The following AFAP1L2 variants were observed in gnomAD, a reference collection of about 807,000 sequenced individuals.
AFAP1L2 encodes actin filament associated protein 1 like 2, also known as actin filament-associated protein 1-like 2.
A neutral mutation model predicts 99.3 loss-of-function variants in AFAP1L2; 46 were observed. That is an observed-to-expected ratio of 0.46 (90% CI 0.37 to 0.59). The LOEUF (loss-of-function observed/expected upper bound fraction) is 0.59. Among genes scored for constraint, AFAP1L2 ranks in the 20% least tolerant of loss-of-function variants. The probability of loss-of-function intolerance (pLI) is 0.00; values close to 1 mark genes in which losing one functional copy is unlikely to be tolerated. For synonymous variants in AFAP1L2, 397 were observed against 419.1 expected, an observed-to-expected ratio of 0.95 and a Z score of 0.64; for missense variants, 959 against 1,034.9, an observed-to-expected ratio of 0.93 and a Z score of 1.01.
chr10:114,299,162 G>T, intron 16 of AFAP1L2, 98 bp downstream of exon 16: 1 of 1,460,608 alleles, frequency 6.8e-7, no homozygotes, highest in Non-Finnish European at 9.4e-7. Context: ...AGGGCCCACT[G>T]ATTGAGAAGG....
chr10:114,302,158 T>G (rs1226723325), intron 12 of AFAP1L2, 181 bp downstream of exon 12: 1 of 926,638 alleles, frequency 1.1e-6, no homozygotes, highest in African/African-American at 1.7e-5. Context: ...TGCTCTTAGC[T>G]CAGCTCCTGG....
intron 1 of AFAP1L2, among the ~76,000 whole-genome samples, chr10:114,385,163 G>T (rs1462951506): frequency 6.6e-6 from 1 of 152,148 alleles, no homozygotes; most frequent in African/African-American, 2.4e-5. Flanking sequence ...ATGAGGAACA[G>T]CATGAACAAA....
chr10:114,390,749 A>T (rs1590826947), intron 1 of AFAP1L2, among the ~76,000 whole-genome samples: 1 of 145,624 alleles, frequency 6.9e-6, no homozygotes, highest in Non-Finnish European at 1.5e-5. Context: ...AAAAAATCCT[A>T]CCTTCCAGAC....
At chr10:114,361,659 T>G (rs112573500) in intron 1 of AFAP1L2, among the ~76,000 whole-genome samples, 2,179 of 152,274 alleles carry the variant, frequency 0.014, 52 homozygotes, top group African/African-American at 0.05. Context: ...CATCCTATAG[T>G]GGAGCCCTGT....
In AFAP1L2 at chr10:114,302,498, A is replaced by G. The variant is rs768837157; in HGVS notation, c.1285-14T>C. The G allele has an allele frequency of 2.5e-5, 40 of 1,613,650 alleles. No individual in the cohort carries two copies. Among genetic ancestry groups the G allele is most frequent in the South Asian group, 5.5e-5 (5 of 91,074 alleles). Reference sequence around the variant, plus strand: ...GGAAGACTTGGCCTGGAACGAGGCCAAGAGAGACATAAGCAGGGCCAGGCA... The same window carrying G: ...GGAAGACTTGGCCTGGAACGAGGCCGAGAGAGACATAAGCAGGGCCAGGCA... On this transcript the variant is annotated splice_polypyrimidine_tract_variant and intron_variant, in intron 11 of 18. Coordinates refer to ENST00000304129, the MANE Select transcript of AFAP1L2 (RefSeq NM_001001936.3).
chr10:114,283,622 A>G, the AFAP1L2 span, among the ~76,000 whole-genome samples: 4 of 152,156 alleles, frequency 2.6e-5, no homozygotes, highest in African/African-American at 9.7e-5. Flanking sequence ...GGGGCATGTG[A>G]CTTCTATTCA....
At position 114,320,802 on chromosome 10, in the gene AFAP1L2, G is replaced by A. The variant is rs555517441; in HGVS notation, c.406+2369C>T. Among the ~76,000 whole-genome samples, 111 of 152,318 alleles carry A rather than the reference G, an allele frequency of 7.3e-4. 1 individual carries two copies. In the South Asian group the frequency reaches 0.015, roughly 20 times the overall value. ...CTGGCAGGCAGGCCCCTGCTGGCCC[G>A]GCCACACCTGGGAGCAGGGAAGTGC... On this transcript the variant is annotated intron_variant, in intron 5 of 18. Transcript: ENST00000304129.
chr10:114,338,061 A>G (rs1337420318), intron 2 of AFAP1L2, among the ~76,000 whole-genome samples: 1 of 152,210 alleles, frequency 6.6e-6, no homozygotes, highest in Non-Finnish European at 1.5e-5. Flanking sequence ...CTCTGATGAG[A>G]GGCTAAGGCA....
chr10:114,341,071 T>C (rs981127758), intron 1 of AFAP1L2, among the ~76,000 whole-genome samples: 3 of 152,218 alleles, frequency 2.0e-5, no homozygotes, highest in Admixed American at 2.0e-4. Flanking sequence ...TTGTGAAAAC[T>C]AAGAGAGCAC....
At chr10:114,310,945 G>A (rs1009171508) in intron 7 of AFAP1L2, among the ~76,000 whole-genome samples, 14 of 106,428 alleles carry the variant, frequency 1.3e-4, no homozygotes, top group African/African-American at 3.6e-4. Context: ...CTCCCGACTC[G>A]CCTGCCGCCA....
intron 1 of AFAP1L2, among the ~76,000 whole-genome samples, chr10:114,402,537 G>A (rs966085141): frequency 6.6e-6 from 1 of 152,134 alleles, no homozygotes; most frequent in African/African-American, 2.4e-5. Flanking sequence ...TCTGTGTCTG[G>A]TTTACTGCAA....
At chr10:114,367,040 G>A (rs1369554604) in intron 1 of AFAP1L2, among the ~76,000 whole-genome samples, 5 of 152,226 alleles carry the variant, frequency 3.3e-5, no homozygotes, top group East Asian at 1.9e-4. Flanking sequence ...TCATATTAAC[G>A]CAGTGTCAGG....
rs116593764 is a variant in AFAP1L2, at chr10:114,397,560, A to C, written c.16+6880T>G. 2.1e-3 allele frequency among the ~76,000 whole-genome samples: 313 copies of C among 152,308 alleles called. 1 individual carries two copies. The highest frequency in any genetic ancestry group is 7.2e-3 in the African/African-American group (298 of 41,564). On this transcript the variant is annotated intron_variant, in intron 1 of 18. Coordinates refer to ENST00000304129, the MANE Select transcript of AFAP1L2 (RefSeq NM_001001936.3). ...TTTACTAAAGCTTAGGTCCGGTAAT[A>C]GGGCAACTCACCATCTCAGTTTGCC... is the stretch of plus-strand genomic sequence containing the variant.
rs1371900360 is a variant in AFAP1L2, at chr10:114,326,068, G to A, written c.316-2807C>T. 21 of 1,282,312 alleles carry A rather than the reference G, an allele frequency of 1.6e-5. No individual in the cohort carries two copies. In the Admixed American group the frequency reaches 2.8e-4, roughly 17 times the overall value. The allele number at this position is 1,282,312 out of a possible 1,614,324, so 79.4% of individuals were successfully genotyped here. A position where few individuals can be genotyped will look rare whatever the true frequency, so the allele number is the denominator to read the frequency against. On this transcript the variant is annotated intron_variant, in intron 4 of 18. Transcript: ENST00000304129. ...AGAGTCGAACAGGACAAAGGGAGGA[G>A]TGAACCCTTCTGCAGGAGCTCCCCA...
At chr10:114,298,817 A>G (rs921794238) in intron 16 of AFAP1L2, among the ~76,000 whole-genome samples, 1 of 152,200 alleles carries the variant, frequency 6.6e-6, no homozygotes, top group Non-Finnish European at 1.5e-5. Flanking sequence ...GACTTTCAAG[A>G]AATGAAGGCT....
chr10:114,285,932 C>G, the AFAP1L2 span: 1 of 1,576,154 alleles, frequency 6.3e-7, no homozygotes, highest in African/African-American at 1.3e-5. Flanking sequence ...TGCTGTGATC[C>G]CCGCAGCCCT....
chr10:114,295,566 A>G lies in AFAP1L2; in HGVS notation c.*476T>C, dbSNP rs576433315. ...AGTTGGGCCTGGTAATATTGGAGAG[A>G]ACTGAAGGCAAGGATGGTTTAATCC... On this transcript the variant is annotated 3_prime_UTR_variant, in exon 19 of 19. Coordinates refer to ENST00000304129, the MANE Select transcript of AFAP1L2 (RefSeq NM_001001936.3). The G allele has an allele frequency of 2.0e-6, 2 of 986,852 alleles. No homozygotes were observed. The highest frequency in any genetic ancestry group is 1.1e-4 in the East Asian group (1 of 8,860). 61.1% of individuals were successfully genotyped at this position (986,852 alleles called of 1,614,324 possible).
intron 4 of AFAP1L2, chr10:114,325,799 G>T (rs1335543199): frequency 8.6e-7 from 1 of 1,167,378 alleles, no homozygotes; most frequent in East Asian, 5.9e-5. Context: ...AGCAGCCTGA[G>T]AAAAGGCTGA....
Position 114,315,668 on chromosome 10 carries a change from G to A in AFAP1L2, c.504C>T (p.Ala168=), listed in dbSNP as rs185015833. The A allele has an allele frequency of 2.0e-5, 32 of 1,613,836 alleles. No homozygotes were observed. The highest frequency in any genetic ancestry group is 1.7e-4 in the Admixed American group (10 of 60,014). ...GGGCGTCACGCATCAGCTCGATGCC[G>A]GCCTCCGGCGAGGGCCACTGGTAAG... is the stretch of plus-strand genomic sequence containing the variant. The part of the protein sequence containing the change: ...SAPYQWPSPE[A]GIELMRDARI... Residue 168 remains alanine, a synonymous_variant, in exon 6 of 19, where the codon GCC becomes GCT. Transcript: ENST00000304129.
Sources: allele counts gnomAD v4.1 joint callset (sites outside exome capture counted in the v4.1 genomes callset), GRCh38; gene constraint gnomAD v4.1.1; transcripts MANE v1.5; gene names NCBI Gene and HGNC (gene_info 2026-07-23, HGNC 2026-07-21).